The following CAMSAP1 variants were observed in gnomAD, a reference collection of about 807,000 sequenced individuals.
The protein encoded by CAMSAP1 is calmodulin-regulated spectrin-associated protein 1.
CAMSAP1 carries 58 observed loss-of-function variants against 143.5 expected under a neutral mutation model. The ratio of observed to expected loss-of-function variants is 0.40; its 90% CI spans 0.33 to 0.50. CAMSAP1 has a LOEUF of 0.50. CAMSAP1 is among the 20% of genes least tolerant of loss of function. The probability of loss-of-function intolerance (pLI) is 0.45; values close to 1 mark genes in which losing one functional copy is unlikely to be tolerated. For synonymous variants in CAMSAP1, 945 were observed against 859.3 expected, an observed-to-expected ratio of 1.10 and a Z score of -1.74; for missense variants, 1,969 against 2,115.7, an observed-to-expected ratio of 0.93 and a Z score of 1.36.
intron 3 of CAMSAP1, among the ~76,000 whole-genome samples, chr9:135,878,304 A>G (rs897280874): frequency 1.3e-5 from 2 of 152,180 alleles, no homozygotes; most frequent in Admixed American, 6.5e-5. Flanking sequence ...AGAGTCCCAG[A>G]GGGATGCCAC....
Position 135,818,906 on chromosome 9 carries a change from A to C in CAMSAP1, c.3959+104T>G. 1.3e-6 allele frequency: 2 copies of C among 1,494,442 alleles called. No individual in the cohort carries two copies. Among genetic ancestry groups the C allele is most frequent in the Non-Finnish European group, 1.8e-6 (2 of 1,112,622 alleles). 92.6% of individuals were successfully genotyped at this position (1,494,442 alleles called of 1,614,324 possible). A position where few individuals can be genotyped will look rare whatever the true frequency, so the allele number is the denominator to read the frequency against. On this transcript the variant is annotated intron_variant, in intron 12 of 16. Coordinates refer to ENST00000389532, the MANE Select transcript of CAMSAP1 (RefSeq NM_015447.4). The surrounding 1 kb of genome is among the most constrained non-coding windows in gnomAD (Gnocchi z 7.7). ...TGGGAGGAGTAAGACCGTCACAGGC[A>C]CTCATTGCCATGGTCCATGCTCAGT...
At position 135,818,720 on chromosome 9, in the gene CAMSAP1, C is replaced by CACTCTTGGTCCCAGCG; in HGVS notation, c.3960-105_3960-104insCGCTGGGACCAAGAGT. The CACTCTTGGTCCCAGCG allele has an allele frequency of 1.5e-6, 2 of 1,359,686 alleles. No homozygotes were observed. The highest frequency in any genetic ancestry group is 2.0e-6 in the Non-Finnish European group (2 of 1,010,552). 84.2% of individuals were successfully genotyped at this position (1,359,686 alleles called of 1,614,324 possible). On this transcript the variant is annotated intron_variant, in intron 12 of 16. Transcript: ENST00000389532. This position sits in a 1 kb window ranked among gnomAD's most constrained non-coding sequence, Gnocchi z 7.7. ...GCGCGTTTCTCGGGTTCTCCCCGGCCGCTGGGACCAAGAGTGGCCAGCCTC... is the reference window on the plus strand; with the variant it reads ...GCGCGTTTCTCGGGTTCTCCCCGGCCACTCTTGGTCCCAGCGGCTGGGACCAAGAGTGGCCAGCCTC...
Position 135,815,203 on chromosome 9 carries a change from A to G in CAMSAP1, c.4400T>C (p.Phe1467Ser). 1 of 1,612,342 alleles carries G rather than the reference A, an allele frequency of 6.2e-7. No homozygotes were observed. The highest frequency in any genetic ancestry group is 8.5e-7 in the Non-Finnish European group (1 of 1,178,934). ...SVAEYTGPKL[F>S]KEPSSKSNKP... The stretch of plus-strand genomic sequence containing the variant: ...GTTTGATTTACTACTGGGCTCCTTA[A>G]AGAGCTTGGGACCTAAGAAACGAGG... The change falls in exon 16 of 17, where the codon TTT becomes TCT. Residue 1467 changes from phenylalanine (F) to serine (S), a missense_variant. Phe to Ser is a radical substitution (Grantham distance 155). Around this residue, in one of 4 missense-constraint regions of CAMSAP1, gnomAD observed 143 missense variants for 200.6 expected, o/e 0.71. Transcript: ENST00000389532.
At chr9:135,902,723 T>G (rs1293657695) in intron 1 of CAMSAP1, among the ~76,000 whole-genome samples, 1 of 152,108 alleles carries the variant, frequency 6.6e-6, no homozygotes, top group Non-Finnish European at 1.5e-5. Flanking sequence ...TCTTATTCCA[T>G]AACATGGTTT....
intron 1 of CAMSAP1, among the ~76,000 whole-genome samples, chr9:135,906,706 C>CCCGCCG (rs577000127): frequency 2.6e-5 from 4 of 151,942 alleles, no homozygotes; most frequent in South Asian, 2.1e-4. Context: ...GCAGCTCCTT[C>CCCGCCG]CCGCCGCCGC....
At chr9:135,890,558 T>C (rs1233975714) in intron 1 of CAMSAP1, among the ~76,000 whole-genome samples, 1 of 152,118 alleles carries the variant, frequency 6.6e-6, no homozygotes, top group Non-Finnish European at 1.5e-5. Context: ...CAATGACGCC[T>C]ACCACATACT....
intron 3 of CAMSAP1, among the ~76,000 whole-genome samples, chr9:135,869,975 G>C (rs1837515812): frequency 6.6e-6 from 1 of 152,204 alleles, no homozygotes; most frequent in African/African-American, 2.4e-5. Context: ...TCCAGACTGA[G>C]CAAACCCATG....
intron 7 of CAMSAP1, among the ~76,000 whole-genome samples, chr9:135,828,715 T>C (rs73667825): frequency 0.02 from 3,078 of 152,298 alleles, 93 homozygotes; most frequent in African/African-American, 0.07. Flanking sequence ...GCTTAGATGA[T>C]ACAGATCTCT....
At position 135,822,165 on chromosome 9, in the gene CAMSAP1, G is replaced by A. The variant is rs1835493971; in HGVS notation, c.2496C>T (p.Ser832=). ...LQRLNSCETK[S]STSSSQKTTP... ...TGGTCTTCTGGGAGCTGCTGGTGCT[G>A]GACTTGGTCTCACAGCTGTTGAGTC... The change falls in exon 11 of 17, where the codon TCC becomes TCT. Residue 832 remains serine (S), a synonymous_variant. Coordinates refer to ENST00000389532, the MANE Select transcript of CAMSAP1 (RefSeq NM_015447.4). This position sits in a 1 kb window ranked among gnomAD's most constrained non-coding sequence, Gnocchi z 6.1. 2.5e-6 allele frequency: 4 copies of A among 1,613,732 alleles called. No homozygotes were observed. Among genetic ancestry groups the A allele is most frequent in the Non-Finnish European group, 2.5e-6 (3 of 1,179,888 alleles).
At chr9:135,859,027 AC>A (rs1224644043) in intron 5 of CAMSAP1, among the ~76,000 whole-genome samples, 1 of 152,216 alleles carries the variant, frequency 6.6e-6, no homozygotes, top group East Asian at 1.9e-4. Flanking sequence ...ACAATGCTTC[AC>A]CAGTCACCTA....
chr9:135,811,021 G>A lies in CAMSAP1; in HGVS notation c.*288C>T, dbSNP rs1835029312. ...GACCTGGCTGTGAACACCCTCCGCT[G>A]GGAGCCTCAGTGGTCAGCAGTGGCC... On this transcript the variant is annotated 3_prime_UTR_variant, in exon 17 of 17. Transcript: ENST00000389532. The surrounding 1 kb of genome is among the most constrained non-coding windows in gnomAD (Gnocchi z 4.9). 4.6e-6 allele frequency: 2 copies of A among 430,850 alleles called. No homozygotes were observed. Among genetic ancestry groups the A allele is most frequent in the Non-Finnish European group, 8.4e-6 (2 of 238,822 alleles). The allele number at this position is 430,850 out of a possible 1,614,324, so 26.7% of individuals were successfully genotyped here.
chr9:135,817,690 C>A (rs373269043), intron 14 of CAMSAP1: 9 of 339,562 alleles, frequency 2.7e-5, no homozygotes, highest in African/African-American at 1.9e-4. Flanking sequence ...TGAGCCACCA[C>A]GCTTGGACTC....
intron 1 of CAMSAP1, among the ~76,000 whole-genome samples, chr9:135,890,075 G>A (rs1212990545): frequency 6.6e-6 from 1 of 152,132 alleles, no homozygotes; most frequent in Non-Finnish European, 1.5e-5. Flanking sequence ...TTCCAGGCAC[G>A]GTGGACCCTG....
chr9:135,815,681 C>T (rs968921002), intron 15 of CAMSAP1, among the ~76,000 whole-genome samples: 2 of 152,236 alleles, frequency 1.3e-5, no homozygotes, highest in Non-Finnish European at 2.9e-5. Context: ...GGGCAGATGA[C>T]CAGGAGGGCA....
At chr9:135,830,598 C>A (rs1056667850) in intron 7 of CAMSAP1, among the ~76,000 whole-genome samples, 8 of 152,134 alleles carry the variant, frequency 5.3e-5, no homozygotes, top group Non-Finnish European at 1.2e-4. Context: ...GGCTTCAATA[C>A]CCCACTTTAA....
Position 135,824,809 on chromosome 9 carries a change from A to G in CAMSAP1, c.1295T>C (p.Ile432Thr), listed in dbSNP as rs769410697. The G allele has an allele frequency of 9.4e-6, 15 of 1,598,982 alleles. No homozygotes were observed. The South Asian group carries it at 1.5e-4, about 16-fold the overall frequency. ...CTTACCAGGGATGTCCTCTCCCTGT[A>G]TGGATTTCTGCTGTTTCTGTCTCAG... ...LPLRQKQQKSIQGEDIPDQRH... is the reference protein window; with the variant it reads ...LPLRQKQQKSTQGEDIPDQRH... The change falls in exon 9 of 17, where the codon ATA becomes ACA. Residue 432 changes from isoleucine (I) to threonine (T), a missense_variant. Ile to Thr is a moderately conservative substitution (Grantham distance 89, BLOSUM62 -1). Around this residue, in one of 4 missense-constraint regions of CAMSAP1, gnomAD observed 1,390 missense variants for 1,420.8 expected, o/e 0.98. Coordinates refer to ENST00000389532, the MANE Select transcript of CAMSAP1 (RefSeq NM_015447.4). This position sits in a 1 kb window ranked among gnomAD's most constrained non-coding sequence, Gnocchi z 4.1.
At chr9:135,848,731 C>CT in intron 7 of CAMSAP1, among the ~76,000 whole-genome samples, 1 of 152,352 alleles carries the variant, frequency 6.6e-6, no homozygotes, top group East Asian at 1.9e-4. Flanking sequence ...ACCACTCTGA[C>CT]TGCAGAGGCA....
At position 135,811,375 on chromosome 9, in the gene CAMSAP1, T is replaced by G. The variant is rs1835044153; in HGVS notation, c.4743A>C (p.Thr1581=). 6.2e-7 allele frequency: 1 copy of G among 1,613,068 alleles called. No individual in the cohort carries two copies. Among genetic ancestry groups the G allele is most frequent in the South Asian group, 1.1e-5 (1 of 90,764 alleles). ...KTMSVSVDAL[T]IHNHLWQPKR... ...TGGGCTGCCACAGGTGGTTGTGGATTGTGAGTGCGTCCACACTGACAGACA... is the reference window on the plus strand; with the variant it reads ...TGGGCTGCCACAGGTGGTTGTGGATGGTGAGTGCGTCCACACTGACAGACA... Residue 1581 remains threonine (T), a synonymous_variant, in exon 17 of 17, where the codon ACA becomes ACC. Coordinates refer to ENST00000389532, the MANE Select transcript of CAMSAP1 (RefSeq NM_015447.4). This position sits in a 1 kb window ranked among gnomAD's most constrained non-coding sequence, Gnocchi z 4.9.
intron 7 of CAMSAP1, among the ~76,000 whole-genome samples, chr9:135,844,044 T>C (rs1836462705): frequency 6.6e-6 from 1 of 151,966 alleles, no homozygotes; most frequent in African/African-American, 2.4e-5. Flanking sequence ...ATTAGACAGA[T>C]CGGGACAGAA....
Sources: gnomAD v4.1 joint callset for allele counts (sites outside exome capture counted in the v4.1 genomes callset) on GRCh38, gnomAD v4.1.1 for gene constraint, gnomAD v4.1.1 regional missense constraint, Gnocchi (gnomAD v3.1) non-coding constraint, MANE v1.5 for transcripts, NCBI Gene and HGNC (gene_info 2026-07-23, HGNC 2026-07-21) for gene names.